The following EPHA3 variants were observed in gnomAD, a reference collection of about 807,000 sequenced individuals.
EPHA3 encodes the protein EPH receptor A3, also known as ephrin type-A receptor 3.
Under a neutral mutation model 107.1 loss-of-function variants are expected in EPHA3, and 42 were observed. That is an observed-to-expected ratio of 0.39 (90% confidence interval 0.31 to 0.51). EPHA3 has a LOEUF of 0.51. EPHA3 is among the 20% of genes least tolerant of loss of function. The pLI is 0.78. For missense variants in EPHA3, 1,183 were observed against 1,211.2 expected (o/e 0.98, Z 0.35); for synonymous variants, 461 against 424.8 (o/e 1.09, Z -1.05).
chr3:89,134,116 G>A (rs1164015729), intron 2 of EPHA3, among the ~76,000 whole-genome samples: 1 of 150,882 alleles, frequency 6.6e-6, no homozygotes, highest in Non-Finnish European at 1.5e-5. Context: ...CCGAACAACC[G>A]CAGAATGGTC....
intron 5 of EPHA3, among the ~76,000 whole-genome samples, chr3:89,353,632 A>C (rs1294011777): frequency 6.6e-6 from 1 of 151,320 alleles, no homozygotes; most frequent in Admixed American, 6.6e-5. Flanking sequence ...GATGTGTCAT[A>C]GTGTGGCCAA....
At chr3:89,280,669 A>G (rs1705922724) in intron 3 of EPHA3, among the ~76,000 whole-genome samples, 2 of 152,164 alleles carry the variant, frequency 1.3e-5, no homozygotes, top group South Asian at 4.1e-4. Flanking sequence ...TGCATGTTTC[A>G]TGTATGTACA....
chr3:89,186,340 A>G (rs1396518811), intron 2 of EPHA3, among the ~76,000 whole-genome samples: 5 of 152,064 alleles, frequency 3.3e-5, no homozygotes, highest in Non-Finnish European at 7.4e-5. Context: ...ATAATGATAC[A>G]ATCTGTAACT....
intron 2 of EPHA3, among the ~76,000 whole-genome samples, chr3:89,185,141 T>C (rs72921746): frequency 0.23 from 35,338 of 151,976 alleles, 4,235 homozygotes; most frequent in Middle Eastern, 0.32. Flanking sequence ...AACATTATGT[T>C]GTTTCCTGTA....
intron 2 of EPHA3, among the ~76,000 whole-genome samples, chr3:89,187,980 C>T (rs1705613736): frequency 6.6e-6 from 1 of 152,008 alleles, no homozygotes; most frequent in Non-Finnish European, 1.5e-5. Flanking sequence ...ACTGGTATCT[C>T]CTAAACAGAA....
At chr3:89,302,789 G>A (rs780417097) in intron 3 of EPHA3, among the ~76,000 whole-genome samples, 20 of 152,022 alleles carry the variant, frequency 1.3e-4, no homozygotes, top group Non-Finnish European at 2.6e-4. Context: ...AATAACACTA[G>A]CATTATAAAA....
chr3:89,155,844 G>A (rs1479750392), intron 2 of EPHA3, among the ~76,000 whole-genome samples: 1 of 151,982 alleles, frequency 6.6e-6, no homozygotes, highest in Non-Finnish European at 1.5e-5. Context: ...ACAGATTCAT[G>A]CTTTATACAG....
intron 13 of EPHA3, among the ~76,000 whole-genome samples, chr3:89,431,797 TAAAGA>T (rs1709575278): frequency 6.6e-6 from 1 of 152,158 alleles, no homozygotes; most frequent in African/African-American, 2.4e-5. Context: ...AACAGACCTA[TAAAGA>T]AAAGTTGTCC....
chr3:89,366,837 G>A lies in EPHA3; in HGVS notation c.1306+24747G>A, dbSNP rs533749438. On this transcript the variant is annotated intron_variant, in intron 5 of 16. Transcript: ENST00000336596. ...CACTTTGTTCATTAGTATGTATTTTGTTCATTTTGTTCATTAGATGTGTTT... is the reference window on the plus strand; with the variant it reads ...CACTTTGTTCATTAGTATGTATTTTATTCATTTTGTTCATTAGATGTGTTT... Among the ~76,000 whole-genome samples the A allele has an allele frequency of 6.8e-4, 103 of 150,718 alleles. 3 individuals carry two copies. The highest frequency in any genetic ancestry group is 1.3e-3 in the Non-Finnish European group (90 of 67,198).
chr3:89,335,492 A>G (rs1326471422), intron 3 of EPHA3, among the ~76,000 whole-genome samples: 2 of 152,188 alleles, frequency 1.3e-5, no homozygotes, highest in African/African-American at 4.8e-5. Flanking sequence ...TCATTTTAGG[A>G]AATCGATACA....
At chr3:89,388,481 T>C (rs1171352323) in intron 5 of EPHA3, among the ~76,000 whole-genome samples, 2 of 152,184 alleles carry the variant, frequency 1.3e-5, no homozygotes, top group Non-Finnish European at 2.9e-5. Flanking sequence ...GAGGGAATTA[T>C]ATTAGCAAAG....
intron 3 of EPHA3, among the ~76,000 whole-genome samples, chr3:89,244,959 T>A (rs978301909): frequency 6.6e-6 from 1 of 152,236 alleles, no homozygotes; most frequent in Non-Finnish European, 1.5e-5. Context: ...TACGCTCTCA[T>A]TATTCAGTGT....
At chr3:89,217,055 T>G (rs1704237762) in intron 3 of EPHA3, among the ~76,000 whole-genome samples, 2 of 152,160 alleles carry the variant, frequency 1.3e-5, no homozygotes, top group Non-Finnish European at 2.9e-5. Context: ...TTCCTGTGAT[T>G]TCTCCACCCC....
intron 5 of EPHA3, among the ~76,000 whole-genome samples, chr3:89,382,851 G>A (rs1559674124): frequency 2.6e-5 from 4 of 152,112 alleles, no homozygotes; most frequent in Admixed American, 2.6e-4. Context: ...CATGTTCCTG[G>A]ACTAACATTT....
chr3:89,334,324 G>T (rs1259661715), intron 3 of EPHA3, among the ~76,000 whole-genome samples: 1 of 152,122 alleles, frequency 6.6e-6, no homozygotes, highest in Non-Finnish European at 1.5e-5. Flanking sequence ...AGCCAGGAAA[G>T]AATTTCATTT....
At chr3:89,114,065 G>A (rs533884343) in intron 1 of EPHA3, among the ~76,000 whole-genome samples, 26 of 152,324 alleles carry the variant, frequency 1.7e-4, no homozygotes, top group Middle Eastern at 6.8e-3. Flanking sequence ...CCAACATGGT[G>A]AAGTGAGAAT....
intron 3 of EPHA3, among the ~76,000 whole-genome samples, chr3:89,338,254 TAA>T (rs1451232379): frequency 6.6e-6 from 1 of 152,222 alleles, no homozygotes; most frequent in Non-Finnish European, 1.5e-5. Context: ...CTACTTGCCA[TAA>T]AATTCTATGT....
At chr3:89,307,523 C>T (rs1409214054) in intron 3 of EPHA3, among the ~76,000 whole-genome samples, 5 of 152,052 alleles carry the variant, frequency 3.3e-5, no homozygotes, top group African/African-American at 7.2e-5. Flanking sequence ...ATATGGTTAC[C>T]AGAATAGTAA....
At chr3:89,152,913 A>T (rs1449881375) in intron 2 of EPHA3, among the ~76,000 whole-genome samples, 2 of 152,078 alleles carry the variant, frequency 1.3e-5, no homozygotes, top group African/African-American at 2.4e-5. Context: ...CCCAAGGCTC[A>T]GTTTGTAGTA....
Sources: allele counts gnomAD v4.1 joint callset (sites outside exome capture counted in the v4.1 genomes callset), GRCh38; gene constraint gnomAD v4.1.1; transcripts MANE v1.5; gene names NCBI Gene and HGNC (gene_info 2026-07-23, HGNC 2026-07-21).